The following POU2F1 variants were observed in gnomAD, a reference collection of about 807,000 sequenced individuals.
POU2F1 encodes the protein POU class 2 homeobox 1.
A neutral mutation model predicts 84.9 loss-of-function variants in POU2F1; 16 were observed. That is an observed-to-expected ratio of 0.19 (90% CI 0.13 to 0.29). The LOEUF (loss-of-function observed/expected upper bound fraction) is 0.29. Among genes scored for constraint, POU2F1 ranks in the 10% least tolerant of loss-of-function variants. POU2F1 has a pLI of 1.00. For synonymous variants in POU2F1, 368 were observed against 368.3 expected (o/e 1.00, Z 0.01); for missense variants, 738 against 942.6 (o/e 0.78, Z 2.84).
chr1:167,323,064 G>T (rs188107564), intron 1 of POU2F1, among the ~76,000 whole-genome samples: 31 of 152,276 alleles, frequency 2.0e-4, no homozygotes, highest in Admixed American at 1.7e-3. Context: ...CAGATTTGGG[G>T]GCCTATCCTC....
At chr1:167,240,114 G>C (rs1474261605) in intron 1 of POU2F1, among the ~76,000 whole-genome samples, 2 of 151,944 alleles carry the variant, frequency 1.3e-5, no homozygotes, top group East Asian at 3.9e-4. Flanking sequence ...CATAATATAT[G>C]GTAGAAAAGT....
intron 13 of POU2F1, among the ~76,000 whole-genome samples, 198 bp from the exon 14 acceptor site, chr1:167,411,761 T>C (rs1241059739): frequency 6.6e-6 from 1 of 152,222 alleles, no homozygotes; most frequent in African/African-American, 2.4e-5. Context: ...TCTCTTAAAG[T>C]AGGGTTCCTA....
At chr1:167,237,287 G>C (rs1201842321) in intron 1 of POU2F1, among the ~76,000 whole-genome samples, 1 of 152,152 alleles carries the variant, frequency 6.6e-6, no homozygotes, top group East Asian at 1.9e-4. Flanking sequence ...TAGACTTTCT[G>C]CTGGGTTATT....
chr1:167,324,806 G>T (rs113136276), intron 1 of POU2F1, among the ~76,000 whole-genome samples: 5 of 152,290 alleles, frequency 3.3e-5, no homozygotes, highest in African/African-American at 1.2e-4. Context: ...TAAAGTACAT[G>T]TCTTTCATGG....
intron 1 of POU2F1, among the ~76,000 whole-genome samples, chr1:167,316,001 T>C (rs778718606): frequency 2.6e-5 from 4 of 152,216 alleles, no homozygotes; most frequent in Non-Finnish European, 5.9e-5. Context: ...TTTCCATTTA[T>C]ATAACATTAC....
At chr1:167,301,008 G>T (rs1372128449) in intron 1 of POU2F1, among the ~76,000 whole-genome samples, 1 of 152,210 alleles carries the variant, frequency 6.6e-6, no homozygotes, top group Non-Finnish European at 1.5e-5. Flanking sequence ...AACCTCAGGT[G>T]ATCCGCCTGC....
Position 167,372,156 on chromosome 1 carries a change from G to C in POU2F1, c.402+120G>C, listed in dbSNP as rs576521469. The C allele has an allele frequency of 8.3e-4, 1,076 of 1,302,592 alleles. 19 individuals carry two copies. The South Asian group carries it at 0.015, about 18-fold the overall frequency. 80.7% of individuals were successfully genotyped at this position (1,302,592 alleles called of 1,614,324 possible). On this transcript the variant is annotated intron_variant, in intron 5 of 15. Transcript: ENST00000367866. ...TAACATGGCTATGCCTGGCACTATTGTGTCTTTAAGGAACTTCCTACACTG... is the reference window on the plus strand; with the variant it reads ...TAACATGGCTATGCCTGGCACTATTCTGTCTTTAAGGAACTTCCTACACTG...
chr1:167,356,274 T>C (rs1400816055), intron 2 of POU2F1, among the ~76,000 whole-genome samples: 1 of 150,972 alleles, frequency 6.6e-6, no homozygotes, highest in Non-Finnish European at 1.5e-5. Flanking sequence ...CTGCTAGGAT[T>C]ACAGGCGTGA....
intron 1 of POU2F1, among the ~76,000 whole-genome samples, chr1:167,311,808 A>ATTTG (rs1377571169): frequency 1.7e-4 from 23 of 132,896 alleles, no homozygotes; most frequent in Middle Eastern, 4.3e-3. Context: ...TTATTTATTT[A>ATTTG]TTTTTTCTTT....
chr1:167,297,387 G>A (rs1654355777), intron 1 of POU2F1, among the ~76,000 whole-genome samples: 2 of 152,198 alleles, frequency 1.3e-5, no homozygotes, highest in Non-Finnish European at 2.9e-5. Flanking sequence ...GCAGGGCTGT[G>A]TTTGGACTCT....
chr1:167,396,648 T>G (rs1648825888), intron 10 of POU2F1: 1 of 495,006 alleles, frequency 2.0e-6, no homozygotes, highest in Admixed American at 3.6e-5. Context: ...GCCGTAATTT[T>G]TAGCCTGAAA....
intron 10 of POU2F1, 97 bp from the exon 11 acceptor site, chr1:167,397,897 T>C (rs1006551722): frequency 1.6e-6 from 2 of 1,266,100 alleles, no homozygotes; most frequent in Non-Finnish European, 2.2e-6. Context: ...TACTTGGATG[T>C]AGCTTATTTT....
chr1:167,262,498 A>G (rs1042703589), intron 1 of POU2F1, among the ~76,000 whole-genome samples: 2 of 152,216 alleles, frequency 1.3e-5, no homozygotes, highest in Non-Finnish European at 2.9e-5. Flanking sequence ...TCTGCCCTCA[A>G]AGGGACTAAG....
chr1:167,298,412 G>A (rs1654433670), intron 1 of POU2F1, among the ~76,000 whole-genome samples: 1 of 151,966 alleles, frequency 6.6e-6, no homozygotes, highest in African/African-American at 2.4e-5. Flanking sequence ...TCTAATTTAA[G>A]ATAATAGCAA....
intron 7 of POU2F1, among the ~76,000 whole-genome samples, chr1:167,382,883 T>C (rs142661035): frequency 7.2e-5 from 11 of 152,296 alleles, no homozygotes; most frequent in Admixed American, 6.5e-4. Context: ...TACTTATAAA[T>C]AAGTGATAAA....
intron 1 of POU2F1, among the ~76,000 whole-genome samples, chr1:167,281,812 G>A (rs1300620324): frequency 6.6e-6 from 1 of 152,188 alleles, no homozygotes; most frequent in African/African-American, 2.4e-5. Context: ...TTTTGTTCCA[G>A]ACTTGTAAAT....
intron 1 of POU2F1, among the ~76,000 whole-genome samples, chr1:167,281,458 C>T (rs1353001292): frequency 2.6e-5 from 4 of 152,214 alleles, no homozygotes; most frequent in East Asian, 3.8e-4. Context: ...GTTTGCCAAT[C>T]GGGCAGGCCT....
chr1:167,231,262 A>G (rs182567552), intron 1 of POU2F1, among the ~76,000 whole-genome samples: 1 of 152,222 alleles, frequency 6.6e-6, no homozygotes, highest in East Asian at 1.9e-4. Flanking sequence ...AACTGGAATT[A>G]TTCAGAAACA....
Position 167,415,703 on chromosome 1 carries a change from C to T in POU2F1, c.2194C>T (p.Leu732Phe). The T allele has an allele frequency of 1.2e-6, 2 of 1,614,162 alleles. No homozygotes were observed. Among genetic ancestry groups the T allele is most frequent in the Non-Finnish European group, 1.7e-6 (2 of 1,180,016 alleles). The change falls in exon 16 of 16, where the codon CTT (leucine) becomes TTT (phenylalanine). Residue 732 changes from leucine (L) to phenylalanine (F), a missense_variant. This residue lies in a region of POU2F1 where 319 missense variants were observed against 386.0 expected (regional missense o/e 0.83). Coordinates refer to ENST00000367866, the MANE Select transcript of POU2F1 (RefSeq NM_002697.4). ...AGGGAACTCTGCACCTGTAGCCAGC[C>T]TTCACGCCACCTCCACCTCTGCTGA... ...SAGNSAPVAS[L>F]HATSTSAESI...
Sources: allele counts gnomAD v4.1 joint callset (sites outside exome capture counted in the v4.1 genomes callset), GRCh38; gene constraint gnomAD v4.1.1; regional missense constraint gnomAD v4.1.1; transcripts MANE v1.5; gene names NCBI Gene and HGNC (gene_info 2026-07-23, HGNC 2026-07-21).